The following LHFPL2 variants were observed in gnomAD, a reference collection of about 807,000 sequenced individuals.
The protein encoded by LHFPL2 is LHFPL tetraspan subfamily member 2 protein.
LHFPL2 carries 7 observed loss-of-function variants against 17.5 expected under a neutral mutation model. The ratio of observed to expected loss-of-function variants is 0.40; its 90% CI spans 0.23 to 0.75. The LOEUF (loss-of-function observed/expected upper bound fraction) is 0.75, where lower values mean the gene tolerates loss of function less well. Among genes scored for constraint, LHFPL2 ranks in the 30% least tolerant of loss-of-function variants. The pLI, the probability that LHFPL2 is intolerant of heterozygous loss-of-function variation, is 0.37. For missense variants in LHFPL2, 241 were observed against 294.8 expected (o/e 0.82, Z 1.34); for synonymous variants, 134 against 116.2 (o/e 1.15, Z -0.99).
At chr5:78,542,516 T>C (rs1397049266) in intron 3 of LHFPL2, among the ~76,000 whole-genome samples, 2 of 152,172 alleles carry the variant, frequency 1.3e-5, no homozygotes, top group Admixed American at 1.3e-4. Flanking sequence ...TTCCCCCTGA[T>C]CTGGGCAGTT....
intron 4 of LHFPL2, among the ~76,000 whole-genome samples, chr5:78,491,468 A>G (rs1754444059): frequency 1.3e-5 from 2 of 152,180 alleles, no homozygotes; most frequent in Non-Finnish European, 2.9e-5. Flanking sequence ...CGTCTAGAAT[A>G]TGGAAGGTCC....
rs1195021248 is a variant in LHFPL2 at position 78,610,374 on chromosome 5, G to T, written c.-245+21890C>A. Among the ~76,000 whole-genome samples the T allele has an allele frequency of 2.6e-5, 4 of 152,240 alleles. No individual in the cohort carries two copies. The East Asian group carries it at 5.8e-4, about 22-fold the overall frequency. ...GGTCTGGGAGAAGAGAAAAGATCCA[G>T]ATGCCTTGGGCTTGTTCCACTTTTC... On this transcript the variant is annotated intron_variant, in intron 2 of 4. Coordinates refer to ENST00000380345, the MANE Select transcript of LHFPL2 (RefSeq NM_005779.3).
chr5:78,635,283 T>A (rs1035490613), intron 1 of LHFPL2, among the ~76,000 whole-genome samples: 1 of 152,234 alleles, frequency 6.6e-6, no homozygotes, highest in African/African-American at 2.4e-5. Context: ...AGAGAAAGCA[T>A]GCACTAATGC....
chr5:78,488,912 C>G lies in LHFPL2; in HGVS notation c.672G>C (p.Leu224=), dbSNP rs753441606. Residue 224 remains leucine (L), a synonymous_variant, in exon 5 of 5, where the codon CTG becomes CTC. Coordinates refer to ENST00000380345, the MANE Select transcript of LHFPL2 (RefSeq NM_005779.3). ...CTCTTCCAAACTAAAGGAGGCAGAT[C>G]AGATTTTTCCCCTCTTCAATTTCTT... ...VQEEIEEGKN[L]ICLL The G allele has an allele frequency of 1.2e-6, 2 of 1,614,068 alleles. No individual in the cohort carries two copies. The highest frequency in any genetic ancestry group is 8.5e-7 in the Non-Finnish European group (1 of 1,179,946).
intron 3 of LHFPL2, among the ~76,000 whole-genome samples, chr5:78,559,342 A>G (rs1364658239): frequency 1.3e-5 from 2 of 152,214 alleles, no homozygotes; most frequent in Non-Finnish European, 2.9e-5. Context: ...TGGATAGTCT[A>G]TAATGTCAGA....
chr5:78,499,397 C>T (rs10068686), intron 4 of LHFPL2, among the ~76,000 whole-genome samples: 122,120 of 152,164 alleles, frequency 0.8, 49,449 homozygotes, highest in East Asian at 0.92. Flanking sequence ...GCTGATACTA[C>T]TAATATCATT....
At chr5:78,638,573 G>T (rs1240562353) in intron 1 of LHFPL2, among the ~76,000 whole-genome samples, 1 of 152,128 alleles carries the variant, frequency 6.6e-6, no homozygotes, top group African/African-American at 2.4e-5. Flanking sequence ...TGAGGTCGAG[G>T]TCACGGGTAT....
rs532087565 is a variant in LHFPL2 at position 78,623,220 on chromosome 5, G to A, written c.-245+9044C>T. Among the ~76,000 whole-genome samples the A allele has an allele frequency of 2.0e-5, 3 of 152,278 alleles. No homozygotes were observed. In the South Asian group the frequency reaches 6.2e-4, roughly 32 times the overall value. ...TGCATGTATACTATTTGACTTTGCA[G>A]GAAGAAAACCACGAATATGAACCAA... On this transcript the variant is annotated intron_variant, in intron 2 of 4. Transcript: ENST00000380345.
intron 3 of LHFPL2, among the ~76,000 whole-genome samples, chr5:78,555,495 G>T (rs1756548495): frequency 6.6e-6 from 1 of 152,224 alleles, no homozygotes; most frequent in Non-Finnish European, 1.5e-5. Context: ...GAGGAAGGAG[G>T]ACAGACAGGA....
chr5:78,542,264 G>A (rs1756135941), intron 3 of LHFPL2, among the ~76,000 whole-genome samples: 1 of 152,096 alleles, frequency 6.6e-6, no homozygotes, highest in Admixed American at 6.5e-5. Flanking sequence ...CCCTTGAGAG[G>A]CTCCAGTTTC....
chr5:78,604,385 G>A (rs1249037514), intron 2 of LHFPL2, among the ~76,000 whole-genome samples: 1 of 152,182 alleles, frequency 6.6e-6, no homozygotes, highest in East Asian at 1.9e-4. Flanking sequence ...GCTGAGGCAG[G>A]AGAATGGCTT....
rs533107159 is a variant in LHFPL2 at position 78,583,033 on chromosome 5, T to G, written c.-244-18162A>C. On this transcript the variant is annotated intron_variant, in intron 2 of 4. Transcript: ENST00000380345. The stretch of plus-strand genomic sequence containing the variant: ...TCTTGTTGAATTTATCCCTTTAGCA[T>G]TATGTAATGGCCTTGTCTCTTTTGA... Among the ~76,000 whole-genome samples the G allele has an allele frequency of 2.9e-3, 443 of 152,344 alleles. 3 individuals are homozygous for G. Among genetic ancestry groups the G allele is most frequent in the African/African-American group, 0.01 (426 of 41,572 alleles).
At chr5:78,633,057 G>C (rs6868848) in intron 1 of LHFPL2, among the ~76,000 whole-genome samples, 2,669 of 151,760 alleles carry the variant, frequency 0.018, 86 homozygotes, top group African/African-American at 0.062. Context: ...AGTTTCGACT[G>C]GACCTTAAGG....
chr5:78,502,674 T>C (rs562261535), intron 4 of LHFPL2, among the ~76,000 whole-genome samples: 5 of 150,464 alleles, frequency 3.3e-5, no homozygotes, highest in South Asian at 4.3e-4. Context: ...AAATGTAATG[T>C]GTAACAAGGT....
chr5:78,565,217 G>T (rs1173530193), intron 2 of LHFPL2, among the ~76,000 whole-genome samples: 1 of 152,130 alleles, frequency 6.6e-6, no homozygotes, highest in Admixed American at 6.5e-5. Context: ...ACCATAAAAA[G>T]GCTCAAAAAT....
chr5:78,508,162 G>C (rs773591762), intron 4 of LHFPL2, among the ~76,000 whole-genome samples: 7 of 152,070 alleles, frequency 4.6e-5, no homozygotes, highest in Non-Finnish European at 1.0e-4. Flanking sequence ...CAAACTCTAA[G>C]CCTAAAAAGT....
Position 78,526,105 on chromosome 5 carries a change from C to T in LHFPL2, c.-185-15707G>A, listed in dbSNP as rs113465258. Among the ~76,000 whole-genome samples the T allele has an allele frequency of 1.7e-3, 266 of 152,222 alleles. 1 individual carries two copies. The highest frequency in any genetic ancestry group is 5.6e-3 in the African/African-American group (234 of 41,526). ...AGGAAACTGAACAAAGCCCCGCTCTCTGCCTCTTCTGCTGGCCTCTGTAGC... is the reference window on the plus strand; with the variant it reads ...AGGAAACTGAACAAAGCCCCGCTCTTTGCCTCTTCTGCTGGCCTCTGTAGC... On this transcript the variant is annotated intron_variant, in intron 3 of 4. Transcript: ENST00000380345.
At chr5:78,639,200 G>A (rs1220197132) in intron 1 of LHFPL2, among the ~76,000 whole-genome samples, 2 of 152,090 alleles carry the variant, frequency 1.3e-5, no homozygotes, top group Non-Finnish European at 2.9e-5. Flanking sequence ...TATTCAGTGT[G>A]GCCTCTTCAC....
intron 4 of LHFPL2, among the ~76,000 whole-genome samples, chr5:78,493,805 A>G (rs1235863399): frequency 6.6e-6 from 1 of 152,222 alleles, no homozygotes; most frequent in Non-Finnish European, 1.5e-5. Flanking sequence ...TACTAATAAA[A>G]CAATTAAAAT....
Sources: allele counts gnomAD v4.1 joint callset (sites outside exome capture counted in the v4.1 genomes callset), GRCh38; gene constraint gnomAD v4.1.1; transcripts MANE v1.5; gene names NCBI Gene and HGNC (gene_info 2026-07-23, HGNC 2026-07-21).